The following CRADD variants were observed in gnomAD, a reference collection of about 807,000 sequenced individuals.
The protein encoded by CRADD is death domain-containing protein CRADD.
A neutral mutation model predicts 15.5 loss-of-function variants in CRADD; 9 were observed. That is an observed-to-expected ratio of 0.58 (90% CI 0.35 to 1.01). The LOEUF (loss-of-function observed/expected upper bound fraction) is 1.01. Ranked by LOEUF, CRADD falls within the 50% of genes least tolerant of loss-of-function variation. CRADD has a pLI of 0.02. For missense variants in CRADD, 227 were observed against 250.3 expected (o/e 0.91, Z 0.63); for synonymous variants, 118 against 107.6 (o/e 1.10, Z -0.60).
intron 2 of CRADD, among the ~76,000 whole-genome samples, chr12:93,862,363 A>G (rs1958325668): frequency 6.6e-6 from 1 of 152,258 alleles, no homozygotes; most frequent in Non-Finnish European, 1.5e-5. Flanking sequence ...TCAAAGCGAC[A>G]TGACACCACC....
intron 2 of CRADD, among the ~76,000 whole-genome samples, chr12:93,758,725 G>C (rs1414978443): frequency 6.6e-6 from 1 of 152,016 alleles, no homozygotes; most frequent in African/African-American, 2.4e-5. Flanking sequence ...TGAAAATTTA[G>C]ATTTAATTTT....
At chr12:93,832,248 C>T (rs1160251369) in intron 2 of CRADD, among the ~76,000 whole-genome samples, 2 of 152,142 alleles carry the variant, frequency 1.3e-5, no homozygotes, top group Non-Finnish European at 2.9e-5. Flanking sequence ...AATAAGAGAA[C>T]TGAAAGTTTC....
At chr12:93,734,521 A>G (rs1431292523) in intron 2 of CRADD, among the ~76,000 whole-genome samples, 2 of 152,166 alleles carry the variant, frequency 1.3e-5, no homozygotes, top group Admixed American at 6.5e-5. Context: ...GTTTTTCTCA[A>G]TACTTCAATC....
rs186576287 is a variant in CRADD at position 93,689,487 on chromosome 12, A to C, written c.298+10415A>C. Reference sequence around the variant, plus strand: ...AAAAAAGGTATGTTGTGTTTTTTCCAACAGTAAATTTTAATTGAAAAGGAA... The same window carrying C: ...AAAAAAGGTATGTTGTGTTTTTTCCCACAGTAAATTTTAATTGAAAAGGAA... On this transcript the variant is annotated intron_variant, in intron 2 of 2. Transcript: ENST00000332896. Among the ~76,000 whole-genome samples, 1,085 of 152,314 alleles carry C rather than the reference A, an allele frequency of 7.1e-3. 6 individuals are homozygous for C. The highest frequency in any genetic ancestry group is 0.028 in the South Asian group (136 of 4,822).
chr12:93,739,105 C>T (rs764332506), intron 2 of CRADD, among the ~76,000 whole-genome samples: 1 of 152,046 alleles, frequency 6.6e-6, no homozygotes, highest in Non-Finnish European at 1.5e-5. Context: ...TGTAGAGACA[C>T]GAAGCCACCT....
chr12:93,784,230 ACACT>A (rs1204723451), intron 2 of CRADD, among the ~76,000 whole-genome samples: 10 of 152,214 alleles, frequency 6.6e-5, no homozygotes, highest in Admixed American at 3.3e-4. Flanking sequence ...AATTTTACTC[ACACT>A]CAGGGCATGT....
intron 2 of CRADD, among the ~76,000 whole-genome samples, chr12:93,758,879 T>G (rs1268809123): frequency 6.6e-6 from 1 of 152,188 alleles, no homozygotes; most frequent in Non-Finnish European, 1.5e-5. Flanking sequence ...TATGGAAACT[T>G]GAGGCTGGGA....
intron 2 of CRADD, among the ~76,000 whole-genome samples, chr12:93,787,276 G>A (rs1041720078): frequency 1.3e-5 from 2 of 148,448 alleles, no homozygotes; most frequent in African/African-American, 5.0e-5. Context: ...CGTTAAAAAC[G>A]AGCCAGGACT....
intron 2 of CRADD, among the ~76,000 whole-genome samples, chr12:93,790,045 C>T (rs980849692): frequency 2.0e-5 from 3 of 152,136 alleles, no homozygotes; most frequent in Admixed American, 1.3e-4. Flanking sequence ...ACAAGCCTCT[C>T]CTACCCTCTG....
intron 2 of CRADD, among the ~76,000 whole-genome samples, chr12:93,772,620 A>T (rs1353478509): frequency 6.6e-6 from 1 of 152,066 alleles, no homozygotes; most frequent in Non-Finnish European, 1.5e-5. Context: ...TGTTAGATTG[A>T]CTCTTTTAAG....
At chr12:93,730,994 A>G (rs1046444563) in intron 2 of CRADD, among the ~76,000 whole-genome samples, 2 of 152,186 alleles carry the variant, frequency 1.3e-5, no homozygotes, top group African/African-American at 2.4e-5. Context: ...CTGGGATTAT[A>G]GGTGTGAGCC....
At chr12:93,745,846 A>G (rs948380310) in intron 2 of CRADD, among the ~76,000 whole-genome samples, 2 of 152,298 alleles carry the variant, frequency 1.3e-5, no homozygotes, top group East Asian at 1.9e-4. Flanking sequence ...CTGGAAGTCA[A>G]TGGATCCATG....
chr12:93,718,055 T>C (rs1956193708), intron 2 of CRADD, among the ~76,000 whole-genome samples: 1 of 152,228 alleles, frequency 6.6e-6, no homozygotes, highest in Non-Finnish European at 1.5e-5. Context: ...CTTCTACCGA[T>C]ATCACACTCT....
chr12:93,747,713 G>C (rs1592956825), intron 2 of CRADD, among the ~76,000 whole-genome samples: 2 of 152,146 alleles, frequency 1.3e-5, no homozygotes, highest in Non-Finnish European at 2.9e-5. Flanking sequence ...TGATCTGCCT[G>C]CCTTGGCCTT....
intron 2 of CRADD, among the ~76,000 whole-genome samples, chr12:93,723,264 G>T (rs1349365040): frequency 6.6e-6 from 1 of 152,190 alleles, no homozygotes; most frequent in Non-Finnish European, 1.5e-5. Context: ...TTCTGGCTCA[G>T]GAGTCATGTA....
intron 2 of CRADD, among the ~76,000 whole-genome samples, chr12:93,793,481 C>T (rs1957375413): frequency 3.3e-5 from 5 of 152,142 alleles, no homozygotes; most frequent in Admixed American, 3.3e-4. Flanking sequence ...GTTTGAGAAT[C>T]CTGCTTTAAA....
At chr12:93,682,832 G>GTTGTTAAAGTTGGTTTAGGA (rs1421137594) in intron 2 of CRADD, among the ~76,000 whole-genome samples, 1 of 152,048 alleles carries the variant, frequency 6.6e-6, no homozygotes, top group East Asian at 1.9e-4. Flanking sequence ...AAAGGTTTAA[G>GTTGTTAAAGTTGGTTTAGGA]TTGTTAAAGT....
At chr12:93,876,995 G>C (rs1466377437) in intron 2 of CRADD, among the ~76,000 whole-genome samples, 5 of 152,066 alleles carry the variant, frequency 3.3e-5, no homozygotes. Flanking sequence ...AAGAACCTGG[G>C]TGTTGTGATC....
intron 2 of CRADD, among the ~76,000 whole-genome samples, chr12:93,872,427 T>G (rs1321666905): frequency 6.6e-6 from 1 of 152,204 alleles, no homozygotes; most frequent in Admixed American, 6.5e-5. Context: ...CATTTGTACC[T>G]GTTTACTTTG....
Sources: allele counts gnomAD v4.1 joint callset (sites outside exome capture counted in the v4.1 genomes callset), GRCh38; gene constraint gnomAD v4.1.1; transcripts MANE v1.5; gene names NCBI Gene and HGNC (gene_info 2026-07-23, HGNC 2026-07-21).